The following DENND6A variants were observed in gnomAD, a reference collection of about 807,000 sequenced individuals.
DENND6A encodes protein DENND6A.
DENND6A carries 43 observed loss-of-function variants against 95.5 expected under a neutral mutation model. That is an observed-to-expected ratio of 0.45 (90% CI 0.35 to 0.58). The LOEUF (loss-of-function observed/expected upper bound fraction) is 0.58. Ranked by LOEUF, DENND6A falls within the 20% of genes least tolerant of loss-of-function variation. The probability of loss-of-function intolerance (pLI) is 0.00; values close to 1 mark genes in which losing one functional copy is unlikely to be tolerated. For missense variants in DENND6A, 574 were observed against 736.0 expected (o/e 0.78, Z 2.55); for synonymous variants, 257 against 260.4 (o/e 0.99, Z 0.13).
chr3:57,677,419 C>CTTTTTTTT (rs71088101), intron 1 of DENND6A, among the ~76,000 whole-genome samples: 13 of 68,744 alleles, frequency 1.9e-4, no homozygotes, highest in Non-Finnish European at 2.3e-4. Context: ...CTTTGTTGTC[C>CTTTTTTTT]TTTTTTTTTT....
chr3:57,676,438 C>T lies in DENND6A; in HGVS notation c.238-4000G>A, dbSNP rs994043507. Among the ~76,000 whole-genome samples the T allele has an allele frequency of 3.7e-4, 54 of 146,574 alleles. No individual in the cohort carries two copies. The Middle Eastern group carries it at 0.015, about 40-fold the overall frequency. On this transcript the variant is annotated intron_variant, in intron 1 of 19. Coordinates refer to ENST00000311128, the MANE Select transcript of DENND6A (RefSeq NM_152678.3). ...GTTACAAGATGTCTTAGAAAAAATCCTTCTCTAATCTTTTAACAGTTAAAT... is the reference window on the plus strand; with the variant it reads ...GTTACAAGATGTCTTAGAAAAAATCTTTCTCTAATCTTTTAACAGTTAAAT...
Position 57,686,424 on chromosome 3 carries a change from T to A in DENND6A, c.237+6358A>T, listed in dbSNP as rs148446041. ...TTCCAATACCATTCTTCCTTCTCCTTTTATTAATATAGGCATACCTTGTTT... is the reference window on the plus strand; with the variant it reads ...TTCCAATACCATTCTTCCTTCTCCTATTATTAATATAGGCATACCTTGTTT... On this transcript the variant is annotated intron_variant, in intron 1 of 19. Transcript: ENST00000311128. Among the ~76,000 whole-genome samples the A allele has an allele frequency of 1.0e-3, 154 of 152,340 alleles. 1 individual carries two copies. Among genetic ancestry groups the A allele is most frequent in the African/African-American group, 3.6e-3 (149 of 41,576 alleles).
At chr3:57,652,194 T>C (rs1238315579) in intron 9 of DENND6A, among the ~76,000 whole-genome samples, 3 of 152,184 alleles carry the variant, frequency 2.0e-5, no homozygotes, top group Non-Finnish European at 4.4e-5. Context: ...GAAATGACAA[T>C]GTACAACTTT....
chr3:57,679,402 A>C (rs2077139817), intron 1 of DENND6A: 10 of 698,500 alleles, frequency 1.4e-5, no homozygotes, highest in Non-Finnish European at 1.8e-5. Flanking sequence ...CCTAAGCCAA[A>C]TCTTCAGCTT....
Position 57,641,736 on chromosome 3 carries a change from A to G in DENND6A, c.1049T>C (p.Ile350Thr), listed in dbSNP as rs926530127. ...TTRTQAPPSV[I>T]LGVTNPFFAK... ...AAAAAAAGGGTTGGTTACTCCTAAT[A>G]TAACTGAGGGCCTATAAAAAACAAA... Residue 350 changes from isoleucine to threonine, a missense_variant, in exon 12 of 20, where the codon ATA becomes ACA. Physicochemically the swap from Ile to Thr is moderately conservative, Grantham distance 89. Coordinates refer to ENST00000311128, the MANE Select transcript of DENND6A (RefSeq NM_152678.3). 6.8e-6 allele frequency: 11 copies of G among 1,613,210 alleles called. No individual in the cohort carries two copies. The highest frequency in any genetic ancestry group is 9.3e-6 in the Non-Finnish European group (11 of 1,179,534).
chr3:57,691,740 T>C lies in DENND6A; in HGVS notation c.237+1042A>G, dbSNP rs182391933. Among the ~76,000 whole-genome samples the C allele has an allele frequency of 1.1e-4, 16 of 150,218 alleles. No homozygotes were observed. In the South Asian group the frequency reaches 3.2e-3, roughly 30 times the overall value. Reference sequence around the variant, plus strand: ...AAACGCCCTTCTGATAACAATTTCCTTGGACACATGAAAGCAAGCAATTCC... The same window carrying C: ...AAACGCCCTTCTGATAACAATTTCCCTGGACACATGAAAGCAAGCAATTCC... On this transcript the variant is annotated intron_variant, in intron 1 of 19. Transcript: ENST00000311128.
intron 7 of DENND6A, among the ~76,000 whole-genome samples, chr3:57,659,725 G>A (rs2071389060): frequency 6.6e-6 from 1 of 152,208 alleles, no homozygotes; most frequent in South Asian, 2.1e-4. Context: ...CAAAGTCTGA[G>A]AGCAAAATGC....
intron 3 of DENND6A, among the ~76,000 whole-genome samples, chr3:57,669,099 T>C (rs926675497): frequency 8.5e-5 from 13 of 152,178 alleles, no homozygotes; most frequent in Non-Finnish European, 1.3e-4. Flanking sequence ...CTCGAATTCC[T>C]GATCTCAAGT....
intron 12 of DENND6A, among the ~76,000 whole-genome samples, chr3:57,638,545 C>T (rs1464385979): frequency 1.3e-5 from 2 of 151,988 alleles, no homozygotes; most frequent in African/African-American, 2.4e-5. Flanking sequence ...GTAATCTCAG[C>T]GACTCGGGGA....
chr3:57,675,576 T>G (rs1270126867), intron 1 of DENND6A, among the ~76,000 whole-genome samples: 1 of 152,176 alleles, frequency 6.6e-6, no homozygotes, highest in Non-Finnish European at 1.5e-5. Flanking sequence ...CATTATGCAT[T>G]TTCTTAGGTT....
chr3:57,687,952 C>A (rs1217097476), intron 1 of DENND6A, among the ~76,000 whole-genome samples: 2 of 147,776 alleles, frequency 1.4e-5, no homozygotes, highest in Non-Finnish European at 3.0e-5. Context: ...AAGAAAAGAA[C>A]ATCTGCTTTG....
intron 7 of DENND6A, among the ~76,000 whole-genome samples, chr3:57,659,674 A>C (rs906676177): frequency 6.6e-6 from 1 of 152,236 alleles, no homozygotes; most frequent in Non-Finnish European, 1.5e-5. Context: ...AATAAGTCCT[A>C]CTCGACAGTG....
In DENND6A at chr3:57,633,265, T is replaced by A. The variant is rs1338285827; in HGVS notation, c.1353A>T (p.Leu451Phe). The A allele has an allele frequency of 6.2e-7, 1 of 1,610,304 alleles. No homozygotes were observed. The highest frequency in any genetic ancestry group is 1.7e-5 in the Admixed American group (1 of 59,796). Residue 451 changes from leucine (L) to phenylalanine (F), a missense_variant and splice_region_variant, in exon 15 of 20, where the codon TTA becomes TTT. Leu to Phe is a conservative substitution (Grantham distance 22). Coordinates refer to ENST00000311128, the MANE Select transcript of DENND6A (RefSeq NM_152678.3). ...LELTQSFIIP[L>F]ERYVASLMPL... ...TGCAAAAATTTATTTATTAACTTAC[T>A]AATGGAATGATGAAACTTTGTGTCA...
chr3:57,679,642 C>G, intron 1 of DENND6A: 1 of 836,712 alleles, frequency 1.2e-6, no homozygotes, highest in Non-Finnish European at 1.4e-6. Flanking sequence ...GTCTATGCCT[C>G]AGTTTCTGCT....
chr3:57,654,803 C>G (rs2071291501), intron 9 of DENND6A: 1 of 983,578 alleles, frequency 1.0e-6, no homozygotes, highest in Non-Finnish European at 1.2e-6. Context: ...GGTCTCTTTA[C>G]TTTGCTTTCA....
chr3:57,678,781 C>G (rs1278078891), intron 1 of DENND6A, among the ~76,000 whole-genome samples: 2 of 152,338 alleles, frequency 1.3e-5, no homozygotes, highest in East Asian at 3.9e-4. Flanking sequence ...CTTTCCCCAG[C>G]CTCCAGAACC....
chr3:57,677,115 T>A (rs1384329154), intron 1 of DENND6A, among the ~76,000 whole-genome samples: 1 of 152,276 alleles, frequency 6.6e-6, no homozygotes, highest in East Asian at 1.9e-4. Context: ...TGAGCCACCG[T>A]GCCCAGCCTC....
chr3:57,656,948 ACT>A (rs760440476), intron 9 of DENND6A, among the ~76,000 whole-genome samples: 16 of 152,074 alleles, frequency 1.1e-4, no homozygotes, highest in Non-Finnish European at 2.1e-4. Context: ...ATAGAGTGAG[ACT>A]CTGTCTCAAA....
At chr3:57,638,434 G>T (rs1193334026) in intron 12 of DENND6A, among the ~76,000 whole-genome samples, 1 of 151,742 alleles carries the variant, frequency 6.6e-6, no homozygotes, top group Non-Finnish European at 1.5e-5. Flanking sequence ...AAGGCGGGTG[G>T]ATCACCTGAG....
Sources: allele counts gnomAD v4.1 joint callset (sites outside exome capture counted in the v4.1 genomes callset), GRCh38; gene constraint gnomAD v4.1.1; transcripts MANE v1.5; gene names NCBI Gene and HGNC (gene_info 2026-07-23, HGNC 2026-07-21).